The following DAPK3 variants were observed in gnomAD, a reference collection of about 807,000 sequenced individuals.
DAPK3 encodes death associated protein kinase 3, also known as death-associated protein kinase 3.
DAPK3 carries 24 observed loss-of-function variants against 30.6 expected under a neutral mutation model. The ratio of observed to expected loss-of-function variants is 0.78; its 90% CI spans 0.57 to 1.10. DAPK3 has a LOEUF of 1.10. Ranked by LOEUF, DAPK3 falls within the 50% of genes least tolerant of loss-of-function variation. The pLI, the probability that DAPK3 is intolerant of heterozygous loss-of-function variation, is 0.00. For missense variants in DAPK3, 629 were observed against 657.3 expected (o/e 0.96, Z 0.47); for synonymous variants, 341 against 284.0 (o/e 1.20, Z -2.02).
intron 8 of DAPK3, chr19:3,959,839 G>T: frequency 1.5e-6 from 1 of 669,236 alleles, no homozygotes; most frequent in Non-Finnish European, 2.5e-6. Context: ...AGTCAGCCCC[G>T]TTGGACACAC....
At chr19:3,967,353 G>C (rs980716797) in intron 2 of DAPK3, among the ~76,000 whole-genome samples, 6 of 152,158 alleles carry the variant, frequency 3.9e-5, no homozygotes, top group Non-Finnish European at 1.5e-5. Flanking sequence ...TCGGGAGGCT[G>C]AGGCAAGGAG....
At chr19:3,965,486 C>T (rs1322303937) in intron 2 of DAPK3, among the ~76,000 whole-genome samples, 1 of 152,006 alleles carries the variant, frequency 6.6e-6, no homozygotes, top group Non-Finnish European at 1.5e-5. Context: ...GGTGTGGTGG[C>T]GGGTGCCTGT....
Position 3,959,562 on chromosome 19 carries a change from G to A in DAPK3, c.904C>T (p.Leu302=), listed in dbSNP as rs1378608998. ...PERRRLKTTR[L]KEYTIKSHSS... ...TGCGACTTGATGGTGTACTCCTTCA[G>A]ACGCGTGGTCTTCAGGCGCCGCCGC... Residue 302 remains leucine, a synonymous_variant, in exon 9 of 9, where the codon CTG becomes TTG. Transcript: ENST00000545797. 9 of 1,582,784 alleles carry A rather than the reference G, an allele frequency of 5.7e-6. No homozygotes were observed. In the Admixed American group the frequency reaches 1.2e-4, roughly 22 times the overall value.
chr19:3,965,068 T>C, intron 2 of DAPK3, 77 bp from the exon 3 acceptor site: 1 of 758,966 alleles, frequency 1.3e-6, no homozygotes. Flanking sequence ...CCCCGTCACC[T>C]CCACTTGCTC....
At chr19:3,960,980 A>T (rs1420795038) in intron 7 of DAPK3, 29 bp downstream of exon 7, 1 of 1,609,990 alleles carries the variant, frequency 6.2e-7, no homozygotes, top group East Asian at 2.2e-5. Flanking sequence ...CCCATGTCCC[A>T]CCCCGTGCCC....
intron 3 of DAPK3, 39 bp from the exon 4 acceptor site, chr19:3,964,412 T>TGGCC: frequency 1.3e-6 from 2 of 1,539,962 alleles, no homozygotes; most frequent in Non-Finnish European, 8.9e-7. Context: ...AGCACGGGCC[T>TGGCC]CCCCCACCCT....
Position 3,959,121 on chromosome 19 carries a change from C to A in DAPK3, c.1345G>T (p.Val449Leu), listed in dbSNP as rs1435109615. The change falls in exon 9 of 9, where the codon GTG (valine) becomes TTG (leucine). Residue 449 changes from valine (V) to leucine (L), a missense_variant. Transcript: ENST00000545797. Reference protein sequence around the residue: ...RALEQEKLQGVECGLR With the variant: ...RALEQEKLQGLECGLR ...TGCGCCTAGCGCAGCCCGCACTCCA[C>A]GCCCTGCAGCTTCTCCTGCTCCAGG... is the stretch of plus-strand genomic sequence containing the variant. 2 of 1,565,624 alleles carry A rather than the reference C, an allele frequency of 1.3e-6. No homozygotes were observed. The highest frequency in any genetic ancestry group is 1.1e-5 in the South Asian group (1 of 87,054).
intron 6 of DAPK3, 45 bp from the exon 7 acceptor site, chr19:3,961,206 C>T: frequency 6.5e-7 from 1 of 1,540,990 alleles, no homozygotes; most frequent in Non-Finnish European, 8.9e-7. Flanking sequence ...GGGCTCCCAC[C>T]ACGGCCGCGC....
At chr19:3,964,432 G>T (rs1182318076) in intron 3 of DAPK3, 59 bp from the exon 4 acceptor site, 3 of 923,998 alleles carry the variant, frequency 3.2e-6, no homozygotes, top group African/African-American at 3.2e-5. Flanking sequence ...TCACCCCCAC[G>T]CTCCCCAAAC....
In DAPK3 at chr19:3,959,565, G is replaced by A. The variant is rs1309428329; in HGVS notation, c.901C>T (p.Arg301Cys). 6.3e-7 allele frequency: 1 copy of A among 1,582,858 alleles called. No homozygotes were observed. Among genetic ancestry groups the A allele is most frequent in the Non-Finnish European group, 8.5e-7 (1 of 1,173,434 alleles). ...KPERRRLKTTRLKEYTIKSHS... is the reference protein window; with the variant it reads ...KPERRRLKTTCLKEYTIKSHS... ...GACTTGATGGTGTACTCCTTCAGAC[G>A]CGTGGTCTTCAGGCGCCGCCGCTCG... The change falls in exon 9 of 9, where the codon CGT (arginine) becomes TGT (cysteine). Residue 301 changes from arginine (R) to cysteine (C), a missense_variant. By Grantham distance (180) the Arg-to-Cys change is radical. Coordinates refer to ENST00000545797, the MANE Select transcript of DAPK3 (RefSeq NM_001348.3).
chr19:3,958,733 G>T lies in DAPK3; in HGVS notation c.*368C>A. ...CAGGCAGCACCCCGCCGAATTGTCC[G>T]TGCAACTACCCGCAAACCCTCCTCC... is the stretch of plus-strand genomic sequence containing the variant. On this transcript the variant is annotated 3_prime_UTR_variant, in exon 9 of 9. Transcript: ENST00000545797. The T allele has an allele frequency of 2.7e-6, 1 of 370,428 alleles. No homozygotes were observed. The highest frequency in any genetic ancestry group is 5.2e-6 in the Non-Finnish European group (1 of 191,368). 22.9% of individuals were successfully genotyped at this position (370,428 alleles called of 1,614,324 possible). A position where few individuals can be genotyped will look rare whatever the true frequency, so the allele number is the denominator to read the frequency against.
chr19:3,969,773 G>A lies in DAPK3; in HGVS notation c.-38C>T. 5 of 1,526,860 alleles carry A rather than the reference G, an allele frequency of 3.3e-6. No homozygotes were observed. The highest frequency in any genetic ancestry group is 4.5e-6 in the Non-Finnish European group (5 of 1,103,932). The allele number at this position is 1,526,860 out of a possible 1,614,324, so 94.6% of individuals were successfully genotyped here. A position where few individuals can be genotyped will look rare whatever the true frequency, so the allele number is the denominator to read the frequency against. Reference sequence around the variant, plus strand: ...GCCTTCCAGCAGCTTCCACTCCAGGGAAAGTGCAGTCACCGCAGCCTGGAG... The same window carrying A: ...GCCTTCCAGCAGCTTCCACTCCAGGAAAAGTGCAGTCACCGCAGCCTGGAG... On this transcript the variant is annotated 5_prime_UTR_variant, in exon 2 of 9. Coordinates refer to ENST00000545797, the MANE Select transcript of DAPK3 (RefSeq NM_001348.3).
At chr19:3,963,218 A>C (rs1186356147) in intron 6 of DAPK3, among the ~76,000 whole-genome samples, 1 of 151,852 alleles carries the variant, frequency 6.6e-6, no homozygotes. Context: ...GGCTGCAGTG[A>C]GCTAGGACAG....
chr19:3,963,389 G>A (rs1166609795), intron 6 of DAPK3, among the ~76,000 whole-genome samples: 1 of 152,136 alleles, frequency 6.6e-6, no homozygotes, highest in Non-Finnish European at 1.5e-5. Context: ...AGCAGCCAGA[G>A]GGACAGGAGC....
At position 3,959,570 on chromosome 19, in the gene DAPK3, G is replaced by A; in HGVS notation, c.896C>T (p.Thr299Ile). Residue 299 changes from threonine to isoleucine, a missense_variant, in exon 9 of 9, where the codon ACC becomes ATC. Thr to Ile is a moderately conservative substitution (Grantham distance 89). Coordinates refer to ENST00000545797, the MANE Select transcript of DAPK3 (RefSeq NM_001348.3). ...GATGGTGTACTCCTTCAGACGCGTG[G>A]TCTTCAGGCGCCGCCGCTCGGGCTT... ...GRKPERRRLK[T>I]TRLKEYTIKS... is the part of the protein sequence containing the mutation. 1.3e-6 allele frequency: 2 copies of A among 1,583,484 alleles called. No homozygotes were observed. Among genetic ancestry groups the A allele is most frequent in the Non-Finnish European group, 1.7e-6 (2 of 1,173,860 alleles).
At position 3,964,382 on chromosome 19, in the gene DAPK3, G is replaced by C. The variant is rs547794063; in HGVS notation, c.424-9C>G. ...AGCATGATGTTTTCCGGCTGGGGTG[G>C]GAGGAGGCTCAGCAGGGAAAGCACG... On this transcript the variant is annotated splice_polypyrimidine_tract_variant and intron_variant, in intron 3 of 8. Transcript: ENST00000545797. 8.1e-6 allele frequency: 13 copies of C among 1,609,894 alleles called. No individual in the cohort carries two copies. The African/African-American group carries it at 1.3e-4, about 17-fold the overall frequency.
At chr19:3,959,705 AGT>A in intron 8 of DAPK3, 68 bp from the exon 9 acceptor site, 3 of 1,462,232 alleles carry the variant, frequency 2.1e-6, no homozygotes, top group Non-Finnish European at 2.7e-6. Context: ...CCCACCTGCC[AGT>A]GTGAACTGAG....
At chr19:3,965,042 GT>G (rs1233836240) in intron 2 of DAPK3, 51 bp from the exon 3 acceptor site, 14 of 1,010,610 alleles carry the variant, frequency 1.4e-5, no homozygotes, top group Non-Finnish European at 3.0e-6. Context: ...GAGGGAGTAA[GT>G]GGGGGTGGCT....
Position 3,964,384 on chromosome 19 carries a change from A to G in DAPK3, c.424-11T>C. The G allele has an allele frequency of 6.2e-7, 1 of 1,608,972 alleles. No individual in the cohort carries two copies. Among genetic ancestry groups the G allele is most frequent in the Admixed American group, 1.7e-5 (1 of 59,890 alleles). ...CATGATGTTTTCCGGCTGGGGTGGGAGGAGGCTCAGCAGGGAAAGCACGGG... is the reference window on the plus strand; with the variant it reads ...CATGATGTTTTCCGGCTGGGGTGGGGGGAGGCTCAGCAGGGAAAGCACGGG... On this transcript the variant is annotated splice_polypyrimidine_tract_variant and intron_variant, in intron 3 of 8. Transcript: ENST00000545797.
Sources: allele counts gnomAD v4.1 joint callset (sites outside exome capture counted in the v4.1 genomes callset), GRCh38; gene constraint gnomAD v4.1.1; transcripts MANE v1.5; gene names NCBI Gene and HGNC (gene_info 2026-07-23, HGNC 2026-07-21).